The following CBLB variants were observed in gnomAD, a reference collection of about 807,000 sequenced individuals.
CBLB encodes E3 ubiquitin-protein ligase CBL-B.
A neutral mutation model predicts 104.9 loss-of-function variants in CBLB; 31 were observed. That is an observed-to-expected ratio of 0.30 (90% CI 0.22 to 0.40). CBLB has a LOEUF of 0.40. Ranked by LOEUF, CBLB falls within the 10% of genes least tolerant of loss-of-function variation. The pLI is 1.00. For missense variants in CBLB, 1,062 were observed against 1,214.6 expected, an observed-to-expected ratio of 0.87 and a Z score of 1.87; for synonymous variants, 440 against 422.6, an observed-to-expected ratio of 1.04 and a Z score of -0.51.
At chr3:105,799,174 G>GAATAAAAAAAAAAAAAAA (rs1471114207) in intron 3 of CBLB, among the ~76,000 whole-genome samples, 3 of 35,108 alleles carry the variant, frequency 8.5e-5, no homozygotes, top group Non-Finnish European at 1.7e-4. Flanking sequence ...TAATGACAAA[G>GAATAAAAAAAAAAAAAAA]AACAAAAAAA....
chr3:105,703,995 G>A lies in CBLB; in HGVS notation c.1586C>T (p.Ser529Leu). 1 of 1,613,816 alleles carries A rather than the reference G, an allele frequency of 6.2e-7. No homozygotes were observed. Among genetic ancestry groups the A allele is most frequent in the Non-Finnish European group, 8.5e-7 (1 of 1,179,718 alleles). The stretch of plus-strand genomic sequence containing the variant: ...CTAATAAAATTGATCTACCTTTGGT[G>A]AACCCGTTGGGCTGCCACAGGGAGA... ...VRSPCGSPTG[S>L]PKSSPCMVRK... Residue 529 changes from serine (S) to leucine (L), a missense_variant, in exon 11 of 19, where the codon TCA becomes TTA. By Grantham distance (145) the Ser-to-Leu change is moderately radical. Around this residue, in one of 2 missense-constraint regions of CBLB, gnomAD observed 605 missense variants for 582.6 expected, o/e 1.04. Coordinates refer to ENST00000394030, the MANE Select transcript of CBLB (RefSeq NM_170662.5).
Position 105,702,093 on chromosome 3 carries a change from C to CCTTAG in CBLB, c.1955_1959dup (p.Val654LeufsTer33). Reference sequence around the variant, plus strand: ...TAGCTTCTGCTTTGCGTATTTCTTACCTTAGCTCCTTCTAAAGGCAAATCA... The same window carrying CCTTAG: ...TAGCTTCTGCTTTGCGTATTTCTTACCTTAGCTTAGCTCCTTCTAAAGGCAAATCA... On this transcript the variant is annotated frameshift_variant and splice_region_variant. Coordinates refer to ENST00000394030, the MANE Select transcript of CBLB (RefSeq NM_170662.5). LOFTEE classifies it high-confidence loss of function. The CCTTAG allele has an allele frequency of 6.2e-7, 1 of 1,614,058 alleles. No homozygotes were observed. The highest frequency in any genetic ancestry group is 8.5e-7 in the Non-Finnish European group (1 of 1,180,006).
intron 10 of CBLB, among the ~76,000 whole-genome samples, chr3:105,718,340 T>C (rs2072228127): frequency 6.6e-6 from 1 of 152,082 alleles, no homozygotes. Context: ...AATGCAAAAT[T>C]TGAGAGTAGC....
chr3:105,719,444 G>A (rs570663278), intron 10 of CBLB, among the ~76,000 whole-genome samples: 3 of 152,196 alleles, frequency 2.0e-5, no homozygotes, highest in South Asian at 2.1e-4. Flanking sequence ...ATGACATTTC[G>A]GTAATGGACC....
At chr3:105,759,765 C>A (rs926126870) in intron 4 of CBLB, among the ~76,000 whole-genome samples, 6 of 152,112 alleles carry the variant, frequency 3.9e-5, no homozygotes, top group Non-Finnish European at 8.8e-5. Context: ...ACTTCCTGGG[C>A]CCCCAAGAGT....
chr3:105,683,173 G>A (rs1290674081), intron 14 of CBLB, among the ~76,000 whole-genome samples: 1 of 152,124 alleles, frequency 6.6e-6, no homozygotes, highest in Non-Finnish European at 1.5e-5. Context: ...AATAATGATG[G>A]ATTTTTACTG....
intron 3 of CBLB, among the ~76,000 whole-genome samples, chr3:105,817,701 G>T (rs2085263762): frequency 6.6e-6 from 1 of 152,058 alleles, no homozygotes; most frequent in South Asian, 2.1e-4. Flanking sequence ...ATAACTGAAG[G>T]CATTAGTTGT....
intron 4 of CBLB, among the ~76,000 whole-genome samples, chr3:105,755,899 A>G (rs1460117823): frequency 6.6e-6 from 1 of 152,212 alleles, no homozygotes; most frequent in East Asian, 1.9e-4. Flanking sequence ...TTTTGTGCAG[A>G]AAAATATTTA....
chr3:105,770,576 T>G (rs2078753870), intron 4 of CBLB, among the ~76,000 whole-genome samples: 1 of 152,056 alleles, frequency 6.6e-6, no homozygotes, highest in Non-Finnish European at 1.5e-5. Context: ...TAATCTCGAG[T>G]GGAACAAATT....
chr3:105,705,301 T>C (rs2069912651), intron 10 of CBLB, among the ~76,000 whole-genome samples: 1 of 152,230 alleles, frequency 6.6e-6, no homozygotes, highest in Admixed American at 6.5e-5. Context: ...CATTCACACT[T>C]AGTTACATTG....
chr3:105,803,561 G>T (rs1560312981), intron 3 of CBLB, among the ~76,000 whole-genome samples: 1 of 152,172 alleles, frequency 6.6e-6, no homozygotes, highest in Non-Finnish European at 1.5e-5. Flanking sequence ...AGTCAGGTAA[G>T]GCACAGGGAG....
intron 7 of CBLB, among the ~76,000 whole-genome samples, chr3:105,739,629 T>A (rs2075318259): frequency 6.6e-6 from 1 of 152,136 alleles, no homozygotes; most frequent in Non-Finnish European, 1.5e-5. Context: ...ACTTAACTTA[T>A]TTTTAAATTT....
At chr3:105,832,783 T>C (rs2087765563) in intron 3 of CBLB, among the ~76,000 whole-genome samples, 1 of 152,212 alleles carries the variant, frequency 6.6e-6, no homozygotes, top group Non-Finnish European at 1.5e-5. Context: ...TCCTTCAATC[T>C]GTATTGAGTA....
intron 18 of CBLB, among the ~76,000 whole-genome samples, chr3:105,661,365 A>G (rs2152669219): frequency 6.6e-6 from 1 of 152,300 alleles, no homozygotes; most frequent in East Asian, 1.9e-4. Context: ...ACAGGAATGG[A>G]CAATAAATTA....
chr3:105,838,824 G>T (rs565359973), intron 3 of CBLB, among the ~76,000 whole-genome samples: 1 of 152,042 alleles, frequency 6.6e-6, no homozygotes. Context: ...ATTTTTAGTA[G>T]AGACAGGGTT....
At chr3:105,770,669 C>A (rs1420366666) in intron 4 of CBLB, among the ~76,000 whole-genome samples, 3 of 152,116 alleles carry the variant, frequency 2.0e-5, no homozygotes, top group Non-Finnish European at 2.9e-5. Flanking sequence ...GGTGCCTGGC[C>A]ATGCCTGGGA....
At chr3:105,724,557 AAAATT>A (rs2073333345) in intron 9 of CBLB, among the ~76,000 whole-genome samples, 2 of 152,316 alleles carry the variant, frequency 1.3e-5, no homozygotes, top group South Asian at 2.1e-4. Flanking sequence ...AAGTGCTATA[AAAATT>A]CCAGTTGGCA....
intron 6 of CBLB, 30 bp downstream of exon 6, chr3:105,745,887 T>A (rs372486553): frequency 2.8e-5 from 45 of 1,597,722 alleles, no homozygotes; most frequent in Non-Finnish European, 3.7e-5. Flanking sequence ...TTTGGATATA[T>A]CACATAATAT....
In CBLB at chr3:105,704,147, G is replaced by C. The variant is rs1035533044; in HGVS notation, c.1434C>G (p.Val478=). 5.6e-6 allele frequency: 9 copies of C among 1,614,112 alleles called. No individual in the cohort carries two copies. Among genetic ancestry groups the C allele is most frequent in the Non-Finnish European group, 7.6e-6 (9 of 1,179,998 alleles). ...RKCTDRQNSP[V]TSPGSSPLAQ... is the part of the protein sequence containing the mutation. ...CAAGGGGAGAGGATCCTGGTGATGTGACTGGTGAGTTCTGCCTGTCAGTGC... is the reference window on the plus strand; with the variant it reads ...CAAGGGGAGAGGATCCTGGTGATGTCACTGGTGAGTTCTGCCTGTCAGTGC... Residue 478 remains valine (V), a synonymous_variant, in exon 11 of 19, where the codon GTC becomes GTG. Coordinates refer to ENST00000394030, the MANE Select transcript of CBLB (RefSeq NM_170662.5).
Sources: gnomAD v4.1 joint callset for allele counts (sites outside exome capture counted in the v4.1 genomes callset) on GRCh38, gnomAD v4.1.1 for gene constraint, gnomAD v4.1.1 regional missense constraint, MANE v1.5 for transcripts, NCBI Gene and HGNC (gene_info 2026-07-23, HGNC 2026-07-21) for gene names.